Variants in AADACL4 observed in about 807,000 individuals in gnomAD.
AADACL4 encodes arylacetamide deacetylase like 4.
AADACL4 carries 9 observed loss-of-function variants against 14.1 expected under a neutral mutation model. The ratio of observed to expected loss-of-function variants is 0.64; its 90% CI spans 0.39 to 1.12. AADACL4 has a LOEUF of 1.12. AADACL4 is among the 50% of genes most tolerant of loss of function. The pLI, the probability that AADACL4 is intolerant of heterozygous loss-of-function variation, is 0.01. For missense variants in AADACL4, 531 were observed against 516.1 expected (o/e 1.03, Z -0.28); for synonymous variants, 188 against 201.6 (o/e 0.93, Z 0.57).
At position 12,651,299 on chromosome 1, in the gene AADACL4, C is replaced by A. The variant is rs769304847; in HGVS notation, c.345C>A (p.Ile115=). 1 of 1,614,228 alleles carries A rather than the reference C, an allele frequency of 6.2e-7. No individual in the cohort carries two copies. The highest frequency in any genetic ancestry group is 1.1e-5 in the South Asian group (1 of 91,080). The part of the protein sequence containing the change: ...KAASSRPRRG[I]IFYHGGATVF... ...CATCCTCCAGACCCCGGCGAGGCATCATCTTCTACCATGGAGGGGCCACAG... is the reference window on the plus strand; with the variant it reads ...CATCCTCCAGACCCCGGCGAGGCATAATCTTCTACCATGGAGGGGCCACAG... Residue 115 remains isoleucine (I), a synonymous_variant, in exon 2 of 4, where the codon ATC becomes ATA. Transcript: ENST00000376221.
intron 3 of AADACL4, among the ~76,000 whole-genome samples, chr1:12,664,576 A>G (rs1647281557): frequency 6.6e-6 from 1 of 152,092 alleles, no homozygotes; most frequent in African/African-American, 2.4e-5. Context: ...CATGTTGGCC[A>G]GGCTGGTCTT....
At chr1:12,652,477 CA>C (rs1489722107) in intron 2 of AADACL4, among the ~76,000 whole-genome samples, 1 of 152,218 alleles carries the variant, frequency 6.6e-6, no homozygotes, top group African/African-American at 2.4e-5. Context: ...AGGCCAGTGG[CA>C]CCTCCAGCTG....
intron 3 of AADACL4, among the ~76,000 whole-genome samples, chr1:12,663,678 C>G (rs1647266368): frequency 6.6e-6 from 1 of 152,050 alleles, no homozygotes; most frequent in Non-Finnish European, 1.5e-5. Context: ...ATAGAAAGTA[C>G]CTAATATTTG....
chr1:12,645,339 C>T (rs1189917018), intron 1 of AADACL4, among the ~76,000 whole-genome samples: 1 of 143,570 alleles, frequency 7.0e-6, no homozygotes, highest in Non-Finnish European at 1.5e-5. Context: ...TTCCTCTCTC[C>T]TGCTCTCTCT....
At chr1:12,645,949 C>A (rs1263147285) in intron 1 of AADACL4, among the ~76,000 whole-genome samples, 2 of 152,142 alleles carry the variant, frequency 1.3e-5, no homozygotes, top group Non-Finnish European at 2.9e-5. Context: ...ATTTACCCAG[C>A]ATTTCTGAGT....
chr1:12,661,379 C>T (rs1346918829), intron 2 of AADACL4, among the ~76,000 whole-genome samples: 1 of 152,208 alleles, frequency 6.6e-6, no homozygotes, highest in Non-Finnish European at 1.5e-5. Context: ...CTGAGAACTT[C>T]ATATGCACCA....
At chr1:12,652,631 A>C (rs1647155784) in intron 2 of AADACL4, among the ~76,000 whole-genome samples, 1 of 152,244 alleles carries the variant, frequency 6.6e-6, no homozygotes, top group South Asian at 2.1e-4. Flanking sequence ...AGGCGCAAAG[A>C]AATGCTACCT....
chr1:12,665,899 G>C (rs887010053), intron 3 of AADACL4, 62 bp from the exon 4 acceptor site: 49 of 1,503,700 alleles, frequency 3.3e-5, no homozygotes, highest in Admixed American at 1.9e-4. Context: ...GGATTCTGTT[G>C]AAACAGCTCC....
intron 2 of AADACL4, among the ~76,000 whole-genome samples, chr1:12,656,420 G>A (rs1156242342): frequency 6.6e-6 from 1 of 152,222 alleles, no homozygotes; most frequent in African/African-American, 2.4e-5. Context: ...AGAAGGGCAA[G>A]CTGTGGGCCT....
In AADACL4 at chr1:12,644,245, A is replaced by C. The variant is rs188407349; in HGVS notation, c.-302A>C. Among the ~76,000 whole-genome samples, 8 of 152,304 alleles carry C rather than the reference A, an allele frequency of 5.3e-5. No homozygotes were observed. The highest frequency in any genetic ancestry group is 5.2e-4 in the Admixed American group (8 of 15,300). ...CTCTTTCTAGGGTTCCCAGGAGCCG[A>C]GGTGCCCATCTGAGCCTGATCTTCC... is the stretch of plus-strand genomic sequence containing the variant. On this transcript the variant is annotated 5_prime_UTR_variant, in exon 1 of 4. Transcript: ENST00000376221.
intron 2 of AADACL4, among the ~76,000 whole-genome samples, chr1:12,658,002 TTCTC>T (rs150038118): frequency 1.3e-4 from 20 of 150,380 alleles, no homozygotes; most frequent in South Asian, 4.2e-4. Context: ...TCTTCTCCCC[TTCTC>T]TCTCTCTCTC....
At chr1:12,644,843 C>G (rs765486546) in intron 1 of AADACL4, 129 bp downstream of exon 1, 12 of 1,052,660 alleles carry the variant, frequency 1.1e-5, no homozygotes, top group Non-Finnish European at 1.5e-5. Context: ...ATAGACTTGT[C>G]TCTTCTGTAT....
intron 2 of AADACL4, among the ~76,000 whole-genome samples, chr1:12,658,166 T>TTCCTTCTTTCTTTCTTTC (rs368484346): frequency 8.1e-6 from 1 of 122,826 alleles, no homozygotes; most frequent in African/African-American, 4.8e-5. Flanking sequence ...CTTTCTTTCT[T>TTCCTTCTTTCTTTCTTTC]TTTCTCTTTC....
chr1:12,659,238 T>C (rs1170267125), intron 2 of AADACL4, among the ~76,000 whole-genome samples: 1 of 152,216 alleles, frequency 6.6e-6, no homozygotes, highest in African/African-American at 2.4e-5. Context: ...CCTGGCCTCA[T>C]GGACCTGACA....
intron 3 of AADACL4, among the ~76,000 whole-genome samples, chr1:12,663,866 T>C (rs960492430): frequency 6.6e-6 from 1 of 152,164 alleles, no homozygotes; most frequent in African/African-American, 2.4e-5. Context: ...AGGAACCTGC[T>C]TCGATAACAT....
intron 3 of AADACL4, among the ~76,000 whole-genome samples, chr1:12,663,059 C>T (rs2100769986): frequency 6.6e-6 from 1 of 152,262 alleles, no homozygotes; most frequent in South Asian, 2.1e-4. Context: ...CATGGAGCTG[C>T]ATGCACAGAT....
At chr1:12,658,091 C>T (rs1242654089) in intron 2 of AADACL4, among the ~76,000 whole-genome samples, 3 of 127,580 alleles carry the variant, frequency 2.4e-5, no homozygotes, top group African/African-American at 9.3e-5. Context: ...CTTTCTTTCT[C>T]TTTCTTTCTC....
Position 12,666,527 on chromosome 1 carries a change from C to A in AADACL4, c.1016C>A (p.Ala339Asp), listed in dbSNP as rs192637178. The change falls in exon 4 of 4, where the codon GCC (alanine) becomes GAC (aspartate). Residue 339 changes from alanine (A) to aspartate (D), a missense_variant. Coordinates refer to ENST00000376221, the MANE Select transcript of AADACL4 (RefSeq NM_001013630.2). Reference protein sequence around the residue: ...DDEVIAQLPEAFLVSCENDIL... With the variant: ...DDEVIAQLPEDFLVSCENDIL... The stretch of plus-strand genomic sequence containing the variant: ...GAGGTCATCGCTCAGCTTCCTGAGG[C>A]CTTCCTGGTGAGCTGTGAGAATGAC... The A allele has an allele frequency of 1.3e-5, 21 of 1,614,202 alleles. No homozygotes were observed. The East Asian group carries it at 3.8e-4, about 29-fold the overall frequency.
At position 12,657,854 on chromosome 1, in the gene AADACL4, G is replaced by T. The variant is rs557951381; in HGVS notation, c.386-3937G>T. Among the ~76,000 whole-genome samples the T allele has an allele frequency of 1.1e-4, 16 of 152,216 alleles. No individual in the cohort carries two copies. In the South Asian group the frequency reaches 2.9e-3, roughly 28 times the overall value. On this transcript the variant is annotated intron_variant, in intron 2 of 3. Transcript: ENST00000376221. ...TCAGGTCAAATCCGGTGCCATGTTG[G>T]GTCCAGTCAGTCTTAGCCAGCTTGG...
Sources: allele counts gnomAD v4.1 joint callset (sites outside exome capture counted in the v4.1 genomes callset), GRCh38; gene constraint gnomAD v4.1.1; transcripts MANE v1.5; gene names NCBI Gene and HGNC (gene_info 2026-07-23, HGNC 2026-07-21).